The following AKAP19 variants were observed in gnomAD, a reference collection of about 807,000 sequenced individuals.
The protein encoded by AKAP19 is small A-kinase anchoring protein.
At chr2:190,165,722 T>C in the AKAP19 span, among the ~76,000 whole-genome samples, 9 of 152,186 alleles carry the variant, frequency 5.9e-5, no homozygotes, top group South Asian at 1.5e-3. Flanking sequence ...GGGGAGGCAA[T>C]AGTCAAAGAG....
At chr2:189,922,236 A>G in the AKAP19 span, among the ~76,000 whole-genome samples, 1 of 152,246 alleles carries the variant, frequency 6.6e-6, no homozygotes, top group South Asian at 2.1e-4. Flanking sequence ...CAAGGATCAT[A>G]TCATTGTAAC....
chr2:190,049,243 G>A, the AKAP19 span, among the ~76,000 whole-genome samples: 1 of 151,626 alleles, frequency 6.6e-6, no homozygotes, highest in Non-Finnish European at 1.5e-5. Flanking sequence ...AATGAGTGAA[G>A]GATAAAAGCA....
At chr2:189,944,888 A>G in the AKAP19 span, among the ~76,000 whole-genome samples, 2 of 152,218 alleles carry the variant, frequency 1.3e-5, no homozygotes, top group Non-Finnish European at 2.9e-5. Context: ...AAATCATATC[A>G]AGTATCTTTT....
At chr2:189,964,919 T>G in the AKAP19 span, among the ~76,000 whole-genome samples, 1 of 152,212 alleles carries the variant, frequency 6.6e-6, no homozygotes, top group African/African-American at 2.4e-5. Flanking sequence ...CACTTTTAAT[T>G]TCCTTCAAGA....
the AKAP19 span, among the ~76,000 whole-genome samples, chr2:190,175,798 T>C: frequency 6.6e-6 from 1 of 152,244 alleles, no homozygotes; most frequent in South Asian, 2.1e-4. Flanking sequence ...TAAAATATTA[T>C]AATGGCAAAC....
chr2:190,197,488 C>CTGCCTCTCT, the AKAP19 span, among the ~76,000 whole-genome samples: 10 of 152,236 alleles, frequency 6.6e-5, no homozygotes, highest in Non-Finnish European at 1.5e-4. The surrounding 1 kb of genome is among the most constrained non-coding windows in gnomAD (Gnocchi z 4.0). Flanking sequence ...ATGCAGATTT[C>CTGCCTCTCT]TGCCTCTCTT....
At chr2:190,184,522 T>G in the AKAP19 span, among the ~76,000 whole-genome samples, 2 of 152,072 alleles carry the variant, frequency 1.3e-5, no homozygotes, top group Non-Finnish European at 2.9e-5. Context: ...AAGAAAAAAA[T>G]AACTCCTGCC....
chr2:190,097,730 G>A, the AKAP19 span, among the ~76,000 whole-genome samples: 2 of 151,534 alleles, frequency 1.3e-5, no homozygotes, highest in East Asian at 3.9e-4. Context: ...CATTCATAAG[G>A]GGCAAGTCCT....
chr2:190,016,205 C>G, the AKAP19 span, among the ~76,000 whole-genome samples: 1 of 152,180 alleles, frequency 6.6e-6, no homozygotes, highest in Non-Finnish European at 1.5e-5. Flanking sequence ...CATTTTCACA[C>G]TGTTATAAAG....
chr2:189,949,631 C>CTT, the AKAP19 span, among the ~76,000 whole-genome samples: 253 of 117,746 alleles, frequency 2.1e-3, 5 homozygotes, highest in African/African-American at 3.0e-3. Context: ...CTTTTTCTTT[C>CTT]TTTTTTTTTT....
the AKAP19 span, among the ~76,000 whole-genome samples, chr2:189,980,578 G>T: frequency 3.3e-5 from 5 of 152,098 alleles, no homozygotes; most frequent in East Asian, 1.9e-4. Context: ...CAAGTGAGCT[G>T]CCCGCCTCAG....
At chr2:190,122,970 T>C in the AKAP19 span, among the ~76,000 whole-genome samples, 1 of 151,988 alleles carries the variant, frequency 6.6e-6, no homozygotes. Context: ...CCACCATGCC[T>C]GGCTAATTAA....
At chr2:190,121,555 T>C in the AKAP19 span, among the ~76,000 whole-genome samples, 1 of 152,252 alleles carries the variant, frequency 6.6e-6, no homozygotes, top group Non-Finnish European at 1.5e-5. Context: ...ATAAATATGA[T>C]ATTGTTTCAT....
the AKAP19 span, among the ~76,000 whole-genome samples, chr2:189,895,235 A>G: frequency 6.6e-6 from 1 of 152,126 alleles, no homozygotes; most frequent in South Asian, 2.1e-4. Context: ...TCACCACGAA[A>G]CTTCCACCGT....
the AKAP19 span, among the ~76,000 whole-genome samples, chr2:190,186,793 T>G: frequency 1.3e-5 from 2 of 152,156 alleles, no homozygotes; most frequent in Non-Finnish European, 2.9e-5. The surrounding 1 kb of genome is among the most constrained non-coding windows in gnomAD (Gnocchi z 5.5). Flanking sequence ...GAACATATAA[T>G]GACAAATATG....
chr2:190,069,057 T>G, the AKAP19 span, among the ~76,000 whole-genome samples: 1 of 151,660 alleles, frequency 6.6e-6, no homozygotes, highest in African/African-American at 2.4e-5. Flanking sequence ...CAACATAGGT[T>G]CATATTAAGT....
At chr2:190,028,215 G>A in the AKAP19 span, among the ~76,000 whole-genome samples, 1 of 152,048 alleles carries the variant, frequency 6.6e-6, no homozygotes, top group African/African-American at 2.4e-5. Flanking sequence ...TGTATGGAGG[G>A]TTTCAGATGG....
chr2:190,144,792 C>G, the AKAP19 span, among the ~76,000 whole-genome samples: 3 of 151,940 alleles, frequency 2.0e-5, no homozygotes, highest in Non-Finnish European at 2.9e-5. Context: ...GCCTGACTAA[C>G]ATGGTAAAAC....
At chr2:190,159,312 C>T in the AKAP19 span, among the ~76,000 whole-genome samples, 1 of 152,172 alleles carries the variant, frequency 6.6e-6, no homozygotes, top group Admixed American at 6.5e-5. Flanking sequence ...AGGAGGCTCA[C>T]TTGAGTTCTG....
Sources: gnomAD v4.1 joint callset for allele counts (sites outside exome capture counted in the v4.1 genomes callset) on GRCh38, gnomAD v4.1.1 for gene constraint, Gnocchi (gnomAD v3.1) non-coding constraint, MANE v1.5 for transcripts, NCBI Gene and HGNC (gene_info 2026-07-23, HGNC 2026-07-21) for gene names.